ABTB3: variants seen among roughly 807,000 people sequenced by gnomAD.
ABTB3 encodes the protein ankyrin repeat- and BTB/POZ domain-containing protein 3.
At chr12:107,357,653 C>T in the ABTB3 span, among the ~76,000 whole-genome samples, 3 of 152,176 alleles carry the variant, frequency 2.0e-5, no homozygotes, top group Non-Finnish European at 1.5e-5. Context: ...GTGATATCTG[C>T]TTACTGACCC....
the ABTB3 span, among the ~76,000 whole-genome samples, chr12:107,397,124 G>C: frequency 1.3e-5 from 2 of 152,218 alleles, no homozygotes; most frequent in Non-Finnish European, 2.9e-5. Flanking sequence ...CCCAGTGGGA[G>C]GTATTCCTAG....
the ABTB3 span, among the ~76,000 whole-genome samples, chr12:107,537,163 A>G: frequency 6.8e-6 from 1 of 146,990 alleles, no homozygotes; most frequent in African/African-American, 2.5e-5. Flanking sequence ...TTGTATATGG[A>G]ATCTTAAAAA....
the ABTB3 span, among the ~76,000 whole-genome samples, chr12:107,512,583 T>C: frequency 2.0e-5 from 3 of 152,204 alleles, no homozygotes; most frequent in African/African-American, 7.2e-5. Flanking sequence ...GCTGTCTATG[T>C]ATGACCATGT....
chr12:107,385,676 C>T, the ABTB3 span, among the ~76,000 whole-genome samples: 1 of 152,152 alleles, frequency 6.6e-6, no homozygotes, highest in Non-Finnish European at 1.5e-5. Flanking sequence ...CTTGCCCAGG[C>T]CCCCTGGAGC....
chr12:107,382,682 T>C, the ABTB3 span, among the ~76,000 whole-genome samples: 1 of 152,010 alleles, frequency 6.6e-6, no homozygotes, highest in South Asian at 2.1e-4. Flanking sequence ...ACACTGCATG[T>C]CCTCACTCAT....
At chr12:107,654,294 TC>T in the ABTB3 span, among the ~76,000 whole-genome samples, 1 of 149,984 alleles carries the variant, frequency 6.7e-6, no homozygotes, top group Non-Finnish European at 1.5e-5. Context: ...TTTGGGGTTT[TC>T]TTTGTTTTTG....
the ABTB3 span, among the ~76,000 whole-genome samples, chr12:107,464,423 G>A: frequency 1.3e-5 from 2 of 152,098 alleles, no homozygotes; most frequent in Non-Finnish European, 2.9e-5. Context: ...TGATCCTCCT[G>A]CCTCAACCTC....
the ABTB3 span, among the ~76,000 whole-genome samples, chr12:107,655,656 C>G: frequency 6.6e-6 from 1 of 152,224 alleles, no homozygotes; most frequent in Admixed American, 6.5e-5. Context: ...GCAACGTTAC[C>G]TCTGTATTAC....
the ABTB3 span, among the ~76,000 whole-genome samples, chr12:107,608,836 A>T: frequency 6.6e-6 from 1 of 151,326 alleles, no homozygotes; most frequent in Non-Finnish European, 1.5e-5. Flanking sequence ...GCACCACTGC[A>T]TTCTAGCCTG....
At chr12:107,446,690 C>A in the ABTB3 span, among the ~76,000 whole-genome samples, 2 of 152,146 alleles carry the variant, frequency 1.3e-5, no homozygotes, top group East Asian at 3.9e-4. Context: ...CCAGCAAAGT[C>A]CTTAATCCTG....
the ABTB3 span, among the ~76,000 whole-genome samples, chr12:107,452,447 C>A: frequency 6.6e-6 from 1 of 151,992 alleles, no homozygotes; most frequent in Non-Finnish European, 1.5e-5. Context: ...ACTTCGTGAT[C>A]CGCCTGCCTC....
chr12:107,568,027 G>T, the ABTB3 span, among the ~76,000 whole-genome samples: 2 of 152,172 alleles, frequency 1.3e-5, no homozygotes, highest in Non-Finnish European at 2.9e-5. Context: ...TTCTCAGAAT[G>T]TATCCTGGTC....
chr12:107,509,497 C>T, the ABTB3 span, among the ~76,000 whole-genome samples: 14 of 152,324 alleles, frequency 9.2e-5, no homozygotes, highest in African/African-American at 2.9e-4. Context: ...TGTTCCTGCC[C>T]TCACAGGCTT....
chr12:107,605,249 T>C, the ABTB3 span, among the ~76,000 whole-genome samples: 1 of 152,202 alleles, frequency 6.6e-6, no homozygotes, highest in Non-Finnish European at 1.5e-5. Context: ...CACTGATGGG[T>C]ATACAATAGA....
the ABTB3 span, among the ~76,000 whole-genome samples, chr12:107,399,379 C>G: frequency 6.6e-6 from 1 of 152,178 alleles, no homozygotes; most frequent in Non-Finnish European, 1.5e-5. Context: ...AGCAGGGGCA[C>G]AGCACCCCAC....
chr12:107,350,282 T>C, the ABTB3 span, among the ~76,000 whole-genome samples: 1 of 152,204 alleles, frequency 6.6e-6, no homozygotes. Flanking sequence ...CTGGGCGCAG[T>C]GGCTCACACC....
chr12:107,565,242 G>A, the ABTB3 span, among the ~76,000 whole-genome samples: 1 of 152,162 alleles, frequency 6.6e-6, no homozygotes, highest in Non-Finnish European at 1.5e-5. Context: ...AGCTGTGGCT[G>A]CAGGACTTGA....
the ABTB3 span, among the ~76,000 whole-genome samples, chr12:107,556,808 C>T: frequency 3.2e-4 from 48 of 151,834 alleles, 2 homozygotes; most frequent in Admixed American, 1.4e-3. Context: ...GTCAGGAGTT[C>T]GAGACCAGTC....
the ABTB3 span, among the ~76,000 whole-genome samples, chr12:107,636,667 A>G: frequency 2.6e-5 from 4 of 152,242 alleles, no homozygotes; most frequent in African/African-American, 9.6e-5. Context: ...GACCATGTGT[A>G]GAGGAAAACT....
Sources: gnomAD v4.1 joint callset for allele counts (sites outside exome capture counted in the v4.1 genomes callset) on GRCh38, gnomAD v4.1.1 for gene constraint, MANE v1.5 for transcripts, NCBI Gene and HGNC (gene_info 2026-07-23, HGNC 2026-07-21) for gene names.